Variants in NT5DC1 observed in about 807,000 individuals in gnomAD.
NT5DC1 encodes the protein 5'-nucleotidase domain-containing protein 1.
NT5DC1 carries 42 observed loss-of-function variants against 59.4 expected under a neutral mutation model. The ratio of observed to expected loss-of-function variants is 0.71; its 90% confidence interval spans 0.55 to 0.92. The LOEUF (loss-of-function observed/expected upper bound fraction) is 0.92, where lower values mean the gene tolerates loss of function less well. NT5DC1 is among the 40% of genes least tolerant of loss of function. The pLI is 0.00. For missense variants in NT5DC1, 501 were observed against 537.1 expected (o/e 0.93, Z 0.66); for synonymous variants, 172 against 188.1 (o/e 0.91, Z 0.70).
intron 6 of NT5DC1, among the ~76,000 whole-genome samples, chr6:116,185,009 C>G (rs1780965284): frequency 6.6e-6 from 1 of 151,656 alleles, no homozygotes; most frequent in Non-Finnish European, 1.5e-5. Context: ...ATGCTGTGAA[C>G]TTCCCTCTTA....
At chr6:116,113,946 G>A (rs1200617488) in intron 4 of NT5DC1, among the ~76,000 whole-genome samples, 1 of 152,104 alleles carries the variant, frequency 6.6e-6, no homozygotes. Flanking sequence ...ATGAACCTTG[G>A]GAAGCTTTGC....
At chr6:116,230,112 G>A (rs1199904553) in intron 8 of NT5DC1, among the ~76,000 whole-genome samples, 1 of 152,046 alleles carries the variant, frequency 6.6e-6, no homozygotes, top group African/African-American at 2.4e-5. Context: ...ATATACCTGG[G>A]AAATCTCTCA....
chr6:116,142,992 G>A (rs1779802730), intron 6 of NT5DC1, among the ~76,000 whole-genome samples: 1 of 152,076 alleles, frequency 6.6e-6, no homozygotes, highest in African/African-American at 2.4e-5. Context: ...TAAAATTATA[G>A]ACATTATGGT....
chr6:116,181,257 G>A (rs953965869), intron 6 of NT5DC1, among the ~76,000 whole-genome samples: 5 of 151,614 alleles, frequency 3.3e-5, no homozygotes, highest in African/African-American at 9.7e-5. Context: ...GTAAACATTA[G>A]GTAAATTACT....
intron 8 of NT5DC1, among the ~76,000 whole-genome samples, chr6:116,235,596 T>C (rs867166861): frequency 5.3e-5 from 8 of 152,248 alleles, no homozygotes; most frequent in African/African-American, 9.6e-5. Flanking sequence ...GTGACATTAT[T>C]TGACTCATTT....
chr6:116,129,268 C>T (rs543003626), intron 6 of NT5DC1, among the ~76,000 whole-genome samples: 1 of 152,242 alleles, frequency 6.6e-6, no homozygotes, highest in South Asian at 2.1e-4. Flanking sequence ...GAAACACATA[C>T]ATACATATCC....
Position 116,239,249 on chromosome 6 carries a change from TAG to T in NT5DC1, c.1252+128_1252+129del. On this transcript the variant is annotated intron_variant, in intron 11 of 11. Coordinates refer to ENST00000319550, the MANE Select transcript of NT5DC1 (RefSeq NM_152729.3). ...GATTTATCTTTGGGGAAAAATCTTC[TAG>T]ATATGGAACCTAGGTAATTAGGACC... 1.1e-5 allele frequency: 8 copies of T among 725,078 alleles called. No individual in the cohort carries two copies. The South Asian group carries it at 1.4e-4, about 13-fold the overall frequency. 44.9% of individuals were successfully genotyped at this position (725,078 alleles called of 1,614,324 possible). A position where few individuals can be genotyped will look rare whatever the true frequency, so the allele number is the denominator to read the frequency against.
At chr6:116,119,772 T>C (rs1035948486) in intron 6 of NT5DC1, 3 of 250,602 alleles carry the variant, frequency 1.2e-5, no homozygotes, top group Non-Finnish European at 2.3e-5. Context: ...TTTTTTGTTG[T>C]TTGTTTTTTG....
chr6:116,239,177 G>A (rs1272852469), intron 11 of NT5DC1, 54 bp downstream of exon 11: 1 of 1,238,888 alleles, frequency 8.1e-7, no homozygotes, highest in Middle Eastern at 2.1e-4. Context: ...ATAATGACCA[G>A]TACTAGAATT....
At chr6:116,228,049 G>A (rs1781943783) in intron 8 of NT5DC1, among the ~76,000 whole-genome samples, 1 of 152,152 alleles carries the variant, frequency 6.6e-6, no homozygotes, top group Admixed American at 6.5e-5. Context: ...ATTTTAACTA[G>A]CAGTCTACTG....
chr6:116,210,715 G>T (rs1465219071), intron 6 of NT5DC1, among the ~76,000 whole-genome samples: 1 of 151,426 alleles, frequency 6.6e-6, no homozygotes, highest in Non-Finnish European at 1.5e-5. Flanking sequence ...TTTTAAAAGT[G>T]ATATTAAGTT....
rs1420330667 is a variant in NT5DC1 at position 116,245,306 on chromosome 6, T to G, written c.*1282T>G. On this transcript the variant is annotated 3_prime_UTR_variant, in exon 12 of 12. Transcript: ENST00000319550. The stretch of plus-strand genomic sequence containing the variant: ...TTAGAAAACACACTGGTTTTCACTA[T>G]CTGGTTTACAAACACTATCATTATT... 10 of 152,528 alleles carry G rather than the reference T, an allele frequency of 6.6e-5. No homozygotes were observed. The highest frequency in any genetic ancestry group is 1.3e-4 in the Non-Finnish European group (9 of 68,022). The allele number at this position is 152,528 out of a possible 1,614,324, so 9.4% of individuals were successfully genotyped here.
intron 2 of NT5DC1, among the ~76,000 whole-genome samples, chr6:116,107,198 C>T (rs539734297): frequency 6.7e-6 from 1 of 149,126 alleles, no homozygotes; most frequent in Non-Finnish European, 1.5e-5. Flanking sequence ...AATAACAATA[C>T]TAAACCACAT....
intron 5 of NT5DC1, among the ~76,000 whole-genome samples, chr6:116,117,063 C>T (rs961346232): frequency 1.3e-5 from 2 of 152,116 alleles, no homozygotes; most frequent in Non-Finnish European, 2.9e-5. Context: ...TCTTTCATAT[C>T]GAAATTCAGG....
At chr6:116,187,079 C>T (rs967446743) in intron 6 of NT5DC1, among the ~76,000 whole-genome samples, 2 of 152,064 alleles carry the variant, frequency 1.3e-5, no homozygotes, top group African/African-American at 2.4e-5. Flanking sequence ...GTGTTCTCCC[C>T]TTTCCCCTAG....
intron 8 of NT5DC1, among the ~76,000 whole-genome samples, chr6:116,230,047 C>A (rs1324274917): frequency 6.6e-6 from 1 of 152,188 alleles, no homozygotes; most frequent in Admixed American, 6.5e-5. Context: ...CAGCTAATAA[C>A]CTCCGTTGTC....
chr6:116,225,419 A>G (rs1781888583), intron 8 of NT5DC1, among the ~76,000 whole-genome samples: 1 of 152,218 alleles, frequency 6.6e-6, no homozygotes, highest in Non-Finnish European at 1.5e-5. Flanking sequence ...GACATTCTCT[A>G]ATATTAAAGA....
chr6:116,101,289 A>G (rs927864748), intron 1 of NT5DC1, among the ~76,000 whole-genome samples: 7 of 152,170 alleles, frequency 4.6e-5, no homozygotes, highest in Admixed American at 2.6e-4. Context: ...CAAACTGCGC[A>G]AGACCGGGCT....
intron 6 of NT5DC1, among the ~76,000 whole-genome samples, chr6:116,176,256 T>G (rs1780732561): frequency 6.6e-6 from 1 of 152,198 alleles, no homozygotes; most frequent in Non-Finnish European, 1.5e-5. Flanking sequence ...AGCTAATGTT[T>G]CAGCTGTCCC....
Sources: allele counts gnomAD v4.1 joint callset (sites outside exome capture counted in the v4.1 genomes callset), GRCh38; gene constraint gnomAD v4.1.1; transcripts MANE v1.5; gene names NCBI Gene and HGNC (gene_info 2026-07-23, HGNC 2026-07-21).